Variants in UGT1A7 observed in about 807,000 individuals in gnomAD.
The protein encoded by UGT1A7 is UDP glucuronosyltransferase family 1 member A7.
UGT1A7 carries 33 observed loss-of-function variants against 45.6 expected under a neutral mutation model. The ratio of observed to expected loss-of-function variants is 0.72; its 90% CI spans 0.55 to 0.97. UGT1A7 has a LOEUF of 0.97. UGT1A7 is among the 50% of genes least tolerant of loss of function. UGT1A7 has a pLI of 0.00. For synonymous variants in UGT1A7, 274 were observed against 250.6 expected, an observed-to-expected ratio of 1.09 and a Z score of -0.88; for missense variants, 684 against 666.2, an observed-to-expected ratio of 1.03 and a Z score of -0.29.
intron 1 of UGT1A7, among the ~76,000 whole-genome samples, chr2:233,705,638 G>A (rs2075862105): frequency 6.6e-6 from 1 of 152,200 alleles, no homozygotes; most frequent in African/African-American, 2.4e-5. Flanking sequence ...GTTCTAGGAA[G>A]TTGAAGGTCT....
At position 233,734,864 on chromosome 2, in the gene UGT1A7, C is replaced by T. The variant is rs1375585915; in HGVS notation, c.856-32170C>T. 3.3e-5 allele frequency among the ~76,000 whole-genome samples: 5 copies of T among 152,224 alleles called. No individual in the cohort carries two copies. In the East Asian group the frequency reaches 9.6e-4, roughly 29 times the overall value. ...AATCCAGAGTTCTAATTTGACTGCA[C>T]TATGGTCTGAGAGACAGTTTGTTGT... is the stretch of plus-strand genomic sequence containing the variant. On this transcript the variant is annotated intron_variant, in intron 1 of 4. Coordinates refer to ENST00000373426, the MANE Select transcript of UGT1A7 (RefSeq NM_019077.3).
chr2:233,757,560 A>ATATATATATATATATATG (rs904896556), intron 1 of UGT1A7, among the ~76,000 whole-genome samples: 7 of 123,144 alleles, frequency 5.7e-5, no homozygotes, highest in African/African-American at 1.7e-4. Context: ...ATATATATAT[A>ATATATATATATATATATG]TGTATATATG....
chr2:233,722,992 G>T (rs183532563), intron 1 of UGT1A7, among the ~76,000 whole-genome samples: 4,843 of 146,624 alleles, frequency 0.033, 98 homozygotes, highest in African/African-American at 0.049. Flanking sequence ...GTCTCAGCGT[G>T]GCAGAGGCAG....
At position 233,772,427 on chromosome 2, in the gene UGT1A7, C is replaced by A; in HGVS notation, c.1461C>A (p.Asp487Glu). The A allele has an allele frequency of 1.2e-6, 2 of 1,614,222 alleles. No individual in the cohort carries two copies. The highest frequency in any genetic ancestry group is 1.7e-6 in the Non-Finnish European group (2 of 1,180,048). ...CCTGGTACCAGTACCATTCCTTGGA[C>A]GTGATTGGTTTCCTCTTGGCCGTCG... is the stretch of plus-strand genomic sequence containing the variant. ...DLTWYQYHSL[D>E]VIGFLLAVVL... Residue 487 changes from aspartate to glutamate, a missense_variant, in exon 5 of 5, where the codon GAC becomes GAA. Physicochemically the swap from Asp to Glu is conservative, Grantham distance 45 (BLOSUM62 2). Transcript: ENST00000373426.
At chr2:233,768,541 A>G in intron 4 of UGT1A7, 102 bp downstream of exon 4, 3 of 1,492,216 alleles carry the variant, frequency 2.0e-6, no homozygotes, top group South Asian at 1.3e-5. Context: ...GTTGTTTCAA[A>G]TATAAAAACA....
rs1275008504 is a variant in UGT1A7, at chr2:233,682,526, T to C, written c.589T>C (p.Phe197Leu). The change falls in exon 1 of 5, where the codon TTC (phenylalanine) becomes CTC (leucine). Residue 197 changes from phenylalanine to leucine, a missense_variant. Phe to Leu is a conservative substitution (Grantham distance 22). Coordinates refer to ENST00000373426, the MANE Select transcript of UGT1A7 (RefSeq NM_019077.3). ...CTATGTCCCCAGACTTCTCTTAGGG[T>C]TCTCAGACGCCATGACTTTCAAGGA... is the stretch of plus-strand genomic sequence containing the variant. ...LSYVPRLLLG[F>L]SDAMTFKERV... The C allele has an allele frequency of 2.5e-6, 4 of 1,613,918 alleles. No homozygotes were observed. The Admixed American group carries it at 6.7e-5, about 27-fold the overall frequency.
intron 1 of UGT1A7, chr2:233,754,890 C>T (rs1695628658): frequency 1.5e-6 from 2 of 1,351,546 alleles, no homozygotes; most frequent in Non-Finnish European, 2.0e-6. Context: ...CAGGGAGTTC[C>T]TCTGACCCCC....
At chr2:233,687,354 T>C (rs1345662003) in intron 1 of UGT1A7, among the ~76,000 whole-genome samples, 3 of 151,966 alleles carry the variant, frequency 2.0e-5, no homozygotes, top group African/African-American at 7.2e-5. Context: ...TTCAGATGGG[T>C]GGACTGTCTC....
intron 1 of UGT1A7, among the ~76,000 whole-genome samples, chr2:233,763,257 T>A (rs187516962): frequency 6.6e-6 from 1 of 152,268 alleles, no homozygotes. Context: ...TAACCTGTTT[T>A]GTCTTGTTGC....
At chr2:233,693,328 TCAGA>T (rs1300853040) in intron 1 of UGT1A7, 5 of 1,614,230 alleles carry the variant, frequency 3.1e-6, no homozygotes, top group Admixed American at 1.7e-5. Flanking sequence ...TAACTGCTCC[TCAGA>T]CAGAGTACAG....
chr2:233,724,006 C>T (rs1270251219), intron 1 of UGT1A7, among the ~76,000 whole-genome samples: 22 of 69,754 alleles, frequency 3.2e-4, no homozygotes, highest in Admixed American at 5.0e-4. Flanking sequence ...TCCACAAAGC[C>T]GCCATTGTCA....
At chr2:233,772,217 A>G (rs759524121) in intron 4 of UGT1A7, 45 bp from the exon 5 acceptor site, 1 of 1,612,380 alleles carries the variant, frequency 6.2e-7, no homozygotes, top group South Asian at 1.1e-5. Flanking sequence ...AGGATTGTTC[A>G]TACCACAGGT....
chr2:233,729,038 G>T (rs2077778879), intron 1 of UGT1A7: 2 of 1,604,346 alleles, frequency 1.2e-6, no homozygotes, highest in South Asian at 2.2e-5. Flanking sequence ...TTGCTAAGTG[G>T]CTCAGTGACA....
chr2:233,712,755 G>A (rs28898599), intron 1 of UGT1A7, among the ~76,000 whole-genome samples: 1,732 of 152,288 alleles, frequency 0.011, 28 homozygotes, highest in African/African-American at 0.04. Context: ...TCCCCAGAGC[G>A]AGCGCAAGGT....
chr2:233,695,419 C>T (rs1453689683), intron 1 of UGT1A7, among the ~76,000 whole-genome samples: 2 of 138,724 alleles, frequency 1.4e-5, no homozygotes, highest in South Asian at 2.4e-4. Context: ...CTACCGCGCC[C>T]GGCCTTCTTC....
intron 1 of UGT1A7, among the ~76,000 whole-genome samples, chr2:233,757,432 C>T (rs1207849155): frequency 1.3e-5 from 2 of 151,156 alleles, no homozygotes; most frequent in Non-Finnish European, 2.9e-5. Context: ...GAAGAAAAGT[C>T]ACTTCTATAC....
At chr2:233,714,671 C>T (rs1376382051) in intron 1 of UGT1A7, among the ~76,000 whole-genome samples, 2 of 152,144 alleles carry the variant, frequency 1.3e-5, no homozygotes, top group Non-Finnish European at 2.9e-5. Context: ...AGATGTATCC[C>T]AAATATTATC....
chr2:233,751,629 C>A (rs1156397424), intron 1 of UGT1A7, among the ~76,000 whole-genome samples: 1 of 152,162 alleles, frequency 6.6e-6, no homozygotes, highest in African/African-American at 2.4e-5. Context: ...ATCATGTGTG[C>A]AGTTTCCCCC....
intron 1 of UGT1A7, among the ~76,000 whole-genome samples, chr2:233,695,994 A>G (rs1020897173): frequency 6.6e-6 from 1 of 152,182 alleles, no homozygotes; most frequent in Admixed American, 6.5e-5. Flanking sequence ...CCACCTGAAG[A>G]TAGCATCAGG....
Sources: gnomAD v4.1 joint callset for allele counts (sites outside exome capture counted in the v4.1 genomes callset) on GRCh38, gnomAD v4.1.1 for gene constraint, MANE v1.5 for transcripts, NCBI Gene and HGNC (gene_info 2026-07-23, HGNC 2026-07-21) for gene names.